The following SORCS3 variants were observed in gnomAD, a reference collection of about 807,000 sequenced individuals.
The protein encoded by SORCS3 is VPS10 domain-containing receptor SorCS3.
In SORCS3, 57 loss-of-function variants were observed where a neutral mutation model predicts 146.3. That is an observed-to-expected ratio of 0.39 (90% confidence interval 0.31 to 0.49). The LOEUF is 0.49. Ranked by LOEUF, SORCS3 falls within the 20% of genes least tolerant of loss-of-function variation. The probability of loss-of-function intolerance (pLI) is 0.92; values close to 1 mark genes in which losing one functional copy is unlikely to be tolerated. For synonymous variants in SORCS3, 653 were observed against 618.5 expected (o/e 1.06, Z -0.83); for missense variants, 1,341 against 1,575.5 (o/e 0.85, Z 2.52).
In SORCS3 at chr10:104,997,526, A is replaced by G. The variant is rs535883308; in HGVS notation, c.954+20033A>G. On this transcript the variant is annotated intron_variant, in intron 4 of 26. Coordinates refer to ENST00000369701, the MANE Select transcript of SORCS3 (RefSeq NM_014978.3). ...AAACCTCTGCTGTTATAATCATTGG[A>G]AAAAGCCCACTGTAGATGCTTCCAG... Among the ~76,000 whole-genome samples the G allele has an allele frequency of 2.6e-5, 4 of 152,262 alleles. No individual in the cohort carries two copies. In the East Asian group the frequency reaches 7.7e-4, roughly 29 times the overall value.
At chr10:105,086,942 T>C (rs1397073499) in intron 5 of SORCS3, among the ~76,000 whole-genome samples, 3 of 152,222 alleles carry the variant, frequency 2.0e-5, no homozygotes, top group Non-Finnish European at 4.4e-5. Flanking sequence ...ATTTGGGCTT[T>C]TGTTGCAATT....
At chr10:104,676,558 AG>A (rs2133261468) in intron 1 of SORCS3, among the ~76,000 whole-genome samples, 1 of 152,360 alleles carries the variant, frequency 6.6e-6, no homozygotes, top group Non-Finnish European at 1.5e-5. Context: ...CCTATGTTCC[AG>A]GTGCTCTGAG....
intron 3 of SORCS3, among the ~76,000 whole-genome samples, chr10:104,964,272 T>C (rs919979389): frequency 2.0e-5 from 3 of 152,194 alleles, no homozygotes; most frequent in African/African-American, 7.2e-5. Flanking sequence ...TTTCCAACAC[T>C]CTACGTTGTT....
At chr10:104,915,761 TG>T in intron 2 of SORCS3, 71 bp from the exon 3 acceptor site, 1 of 1,303,042 alleles carries the variant, frequency 7.7e-7, no homozygotes. Context: ...AGGGAGAACC[TG>T]GCTTCCCTTT....
In SORCS3 at chr10:104,977,972, C is replaced by T. The variant is rs527466714; in HGVS notation, c.954+479C>T. Among the ~76,000 whole-genome samples the T allele has an allele frequency of 5.9e-5, 9 of 151,930 alleles. 2 individuals carry two copies. In the South Asian group the frequency reaches 1.0e-3, roughly 18 times the overall value. The stretch of plus-strand genomic sequence containing the variant: ...GTCTCGATCTCTTAACCTCGTGATC[C>T]GCCCGCCTCGGCCTCCCAAAGTGCT... On this transcript the variant is annotated intron_variant, in intron 4 of 26. Transcript: ENST00000369701.
intron 2 of SORCS3, among the ~76,000 whole-genome samples, chr10:104,863,723 A>C (rs2491379): frequency 6.6e-6 from 1 of 152,228 alleles, no homozygotes; most frequent in East Asian, 1.9e-4. Flanking sequence ...ATGGACACTT[A>C]GTTGTTGGTA....
At chr10:104,876,033 C>T (rs2018568000) in intron 2 of SORCS3, among the ~76,000 whole-genome samples, 1 of 152,130 alleles carries the variant, frequency 6.6e-6, no homozygotes, top group African/African-American at 2.4e-5. Context: ...GTTACTATTA[C>T]TCCATACTTC....
At chr10:104,710,045 G>T (rs1038987028) in intron 1 of SORCS3, among the ~76,000 whole-genome samples, 2 of 152,100 alleles carry the variant, frequency 1.3e-5, no homozygotes, top group Admixed American at 6.5e-5. Context: ...TGCAGGGGTA[G>T]AATTTATTTG....
At chr10:104,912,506 G>C (rs562487896) in intron 2 of SORCS3, among the ~76,000 whole-genome samples, 1 of 152,298 alleles carries the variant, frequency 6.6e-6, no homozygotes, top group South Asian at 2.1e-4. Flanking sequence ...TGTACCGTCT[G>C]CACTGTTGTG....
intron 25 of SORCS3, among the ~76,000 whole-genome samples, chr10:105,259,466 T>A (rs778920965): frequency 1.3e-5 from 2 of 152,206 alleles, no homozygotes; most frequent in East Asian, 1.9e-4. Context: ...GTATCCCAAG[T>A]GGTCACTTGA....
chr10:104,767,211 C>T (rs1589491478), intron 1 of SORCS3, among the ~76,000 whole-genome samples: 3 of 152,168 alleles, frequency 2.0e-5, no homozygotes, highest in African/African-American at 4.8e-5. Context: ...CTTGTGCTGA[C>T]ACAGCTCAGG....
chr10:105,170,371 C>A (rs1299665982), intron 13 of SORCS3, among the ~76,000 whole-genome samples: 2 of 151,740 alleles, frequency 1.3e-5, no homozygotes, highest in African/African-American at 4.8e-5. Flanking sequence ...TTCCCTTGTT[C>A]AATGTAATAT....
chr10:105,114,476 A>G (rs1017691919), intron 7 of SORCS3, among the ~76,000 whole-genome samples: 44 of 152,178 alleles, frequency 2.9e-4, no homozygotes, highest in African/African-American at 1.1e-3. Flanking sequence ...GTGAGCCTGT[A>G]GTACCCTGTG....
chr10:105,024,252 G>A (rs1307148441), intron 4 of SORCS3, among the ~76,000 whole-genome samples: 2 of 152,062 alleles, frequency 1.3e-5, no homozygotes, highest in African/African-American at 4.8e-5. Flanking sequence ...GGACCCTACT[G>A]TGCTTTTGTG....
At chr10:104,779,890 C>T (rs1017834282) in intron 1 of SORCS3, among the ~76,000 whole-genome samples, 16 of 152,150 alleles carry the variant, frequency 1.1e-4, no homozygotes, top group Admixed American at 6.5e-5. Flanking sequence ...CGGTGTATGT[C>T]AGTGCTGAGT....
At chr10:104,810,889 G>T (rs1366647763) in intron 1 of SORCS3, among the ~76,000 whole-genome samples, 1 of 152,108 alleles carries the variant, frequency 6.6e-6, no homozygotes, top group Non-Finnish European at 1.5e-5. Flanking sequence ...TAGAGCGATA[G>T]TGCCTAGGGA....
intron 16 of SORCS3, 120 bp downstream of exon 16, chr10:105,201,373 C>A (rs1270946995): frequency 4.8e-6 from 6 of 1,245,286 alleles, no homozygotes; most frequent in Non-Finnish European, 6.6e-6. Context: ...GGTGTATCTG[C>A]TGGCCTGTGG....
Position 105,164,285 on chromosome 10 carries a change from G to A in SORCS3, c.1733-18G>A. ...TGGTAAACTCCTGACAATCTCAAAT[G>A]ATCTGCTTATGTTTCAGGCAACATT... On this transcript the variant is annotated intron_variant, in intron 11 of 26. Coordinates refer to ENST00000369701, the MANE Select transcript of SORCS3 (RefSeq NM_014978.3). The A allele has an allele frequency of 6.2e-7, 1 of 1,602,902 alleles. No individual in the cohort carries two copies. Among genetic ancestry groups the A allele is most frequent in the Non-Finnish European group, 8.5e-7 (1 of 1,169,988 alleles).
At chr10:104,795,189 G>A (rs2017540933) in intron 1 of SORCS3, among the ~76,000 whole-genome samples, 2 of 152,070 alleles carry the variant, frequency 1.3e-5, no homozygotes, top group Admixed American at 1.3e-4. Context: ...TAAATACTCG[G>A]GTATGGCTAC....
Sources: gnomAD v4.1 joint callset for allele counts (sites outside exome capture counted in the v4.1 genomes callset) on GRCh38, gnomAD v4.1.1 for gene constraint, MANE v1.5 for transcripts, NCBI Gene and HGNC (gene_info 2026-07-23, HGNC 2026-07-21) for gene names.